Variants in AKAP9 observed in about 807,000 individuals in gnomAD.
AKAP9 encodes A-kinase anchor protein 9.
AKAP9 carries 311 observed loss-of-function variants against 488.5 expected under a neutral mutation model. That is an observed-to-expected ratio of 0.64 (90% CI 0.58 to 0.70). The LOEUF (loss-of-function observed/expected upper bound fraction) is 0.70, where lower values mean the gene tolerates loss of function less well. Among genes scored for constraint, AKAP9 ranks in the 30% least tolerant of loss-of-function variants. The probability of loss-of-function intolerance (pLI) is 0.00; values close to 1 mark genes in which losing one functional copy is unlikely to be tolerated. For missense variants in AKAP9, 4,215 were observed against 4,374.5 expected (o/e 0.96, Z 1.03); for synonymous variants, 1,462 against 1,483.5 (o/e 0.99, Z 0.33).
At position 92,055,526 on chromosome 7, in the gene AKAP9, TATTTG is replaced by T. The variant is rs1808646459; in HGVS notation, c.5601+2573_5601+2577del. ...GAAAGGTAGTTAAATGGTTTGACATTATTTGATTTAAGTAAAGCTATTTTGTTTAG... is the reference window on the plus strand; with the variant it reads ...GAAAGGTAGTTAAATGGTTTGACATTATTTAAGTAAAGCTATTTTGTTTAG... On this transcript the variant is annotated intron_variant, in intron 22 of 49. Transcript: ENST00000356239. Among the ~76,000 whole-genome samples the T allele has an allele frequency of 2.0e-5, 3 of 152,156 alleles. No homozygotes were observed. In the South Asian group the frequency reaches 6.2e-4, roughly 32 times the overall value.
At chr7:92,088,390 C>T (rs1814970165) in intron 37 of AKAP9, among the ~76,000 whole-genome samples, 1 of 152,130 alleles carries the variant, frequency 6.6e-6, no homozygotes, top group Admixed American at 6.6e-5. Flanking sequence ...GAAACTGTCT[C>T]ATAGATTGCT....
Position 92,040,857 on chromosome 7 carries a change from C to T in AKAP9, c.4876C>T (p.Leu1626=), listed in dbSNP as rs1805984054. The T allele has an allele frequency of 6.2e-7, 1 of 1,613,842 alleles. No homozygotes were observed. Among genetic ancestry groups the T allele is most frequent in the African/African-American group, 1.3e-5 (1 of 75,000 alleles). The change falls in exon 18 of 50, where the codon CTA becomes TTA. Residue 1626 remains leucine, a synonymous_variant. Coordinates refer to ENST00000356239, the MANE Select transcript of AKAP9 (RefSeq NM_005751.5). ...MERQREDQEQ[L]QEEIKRLNRQ... ...GAGACAGCGAGAAGACCAGGAACAGCTACAAGAAGAGATTAAGAGACTTAA... is the reference window on the plus strand; with the variant it reads ...GAGACAGCGAGAAGACCAGGAACAGTTACAAGAAGAGATTAAGAGACTTAA...
intron 16 of AKAP9, among the ~76,000 whole-genome samples, chr7:92,032,090 A>G (rs1185198877): frequency 6.6e-6 from 1 of 152,198 alleles, no homozygotes; most frequent in East Asian, 1.9e-4. Flanking sequence ...ATGCTTATCC[A>G]CTGTGTCCAG....
chr7:91,948,283 G>A (rs2130454670), intron 1 of AKAP9, among the ~76,000 whole-genome samples: 1 of 152,156 alleles, frequency 6.6e-6, no homozygotes, highest in Admixed American at 6.5e-5. Flanking sequence ...TTTCTCTTGG[G>A]TATATACCTA....
At chr7:92,004,382 C>T (rs1345800970) in intron 8 of AKAP9, among the ~76,000 whole-genome samples, 1 of 152,146 alleles carries the variant, frequency 6.6e-6, no homozygotes, top group African/African-American at 2.4e-5. Flanking sequence ...ATGGGAATGG[C>T]ATTGAATCTA....
chr7:92,074,542 A>T (rs995296360), intron 28 of AKAP9, among the ~76,000 whole-genome samples: 1 of 152,226 alleles, frequency 6.6e-6, no homozygotes, highest in African/African-American at 2.4e-5. Context: ...AAATCATTCT[A>T]CTATAAAGAT....
intron 49 of AKAP9, 121 bp downstream of exon 49, chr7:92,108,754 A>AC: frequency 8.3e-7 from 1 of 1,201,152 alleles, no homozygotes; most frequent in Non-Finnish European, 1.2e-6. Context: ...GCATGAGCTA[A>AC]TTATTAAGTT....
At chr7:92,027,524 G>A (rs1352097044) in intron 14 of AKAP9, among the ~76,000 whole-genome samples, 3 of 148,530 alleles carry the variant, frequency 2.0e-5, no homozygotes, top group Admixed American at 1.3e-4. Flanking sequence ...CGTCTGGGAG[G>A]TGAGGAACGC....
In AKAP9 at chr7:92,001,475, T is replaced by C; in HGVS notation, c.1558T>C (p.Leu520=). 6.2e-7 allele frequency: 1 copy of C among 1,613,828 alleles called. No individual in the cohort carries two copies. Among genetic ancestry groups the C allele is most frequent in the Non-Finnish European group, 8.5e-7 (1 of 1,179,864 alleles). The stretch of plus-strand genomic sequence containing the variant: ...ACTCAAGGAAGAACTAGGACTAATT[T>C]TAGAAGAAAAGTGTGCTCTACAGAG... ...EKLKEELGLI[L]EEKCALQRQL... Residue 520 remains leucine (L), a synonymous_variant, in exon 8 of 50, where the codon TTA becomes CTA. Coordinates refer to ENST00000356239, the MANE Select transcript of AKAP9 (RefSeq NM_005751.5).
Position 91,971,162 on chromosome 7 carries a change from C to A in AKAP9, c.49-2549C>A, listed in dbSNP as rs73224297. Among the ~76,000 whole-genome samples the A allele has an allele frequency of 9.5e-3, 1,444 of 152,180 alleles. 17 individuals carry two copies. The highest frequency in any genetic ancestry group is 0.027 in the Middle Eastern group (8 of 294). ...TAATTTTCTGTGTCTTCTAGGTGAT[C>A]TTTGTTCCTTTTCATTCTTTCCTTT... On this transcript the variant is annotated intron_variant, in intron 1 of 49. Coordinates refer to ENST00000356239, the MANE Select transcript of AKAP9 (RefSeq NM_005751.5).
intron 22 of AKAP9, among the ~76,000 whole-genome samples, chr7:92,055,281 G>C (rs1808590811): frequency 1.3e-5 from 2 of 151,962 alleles, no homozygotes; most frequent in African/African-American, 4.8e-5. Flanking sequence ...ATTTTGTTTT[G>C]TCATTGTTGT....
intron 9 of AKAP9, among the ~76,000 whole-genome samples, chr7:92,013,212 C>A (rs376448961): frequency 1.3e-5 from 2 of 151,166 alleles, no homozygotes; most frequent in Non-Finnish European, 3.0e-5. Flanking sequence ...GGGATGGTCT[C>A]GATCTCCTGA....
In AKAP9 at chr7:92,034,235, G is replaced by C. The variant is rs558766297; in HGVS notation, c.4338+2631G>C. Among the ~76,000 whole-genome samples the C allele has an allele frequency of 2.0e-5, 3 of 152,178 alleles. No homozygotes were observed. In the East Asian group the frequency reaches 5.8e-4, roughly 29 times the overall value. On this transcript the variant is annotated intron_variant, in intron 16 of 49. Transcript: ENST00000356239. ...ACTCTAACAGGTGTCTTTAAGACAC[G>C]GTCAGGAGACTTGACTAGAGTTTGT...
intron 5 of AKAP9, among the ~76,000 whole-genome samples, chr7:91,993,796 G>A (rs1466397672): frequency 6.6e-6 from 1 of 152,086 alleles, no homozygotes; most frequent in African/African-American, 2.4e-5. Flanking sequence ...GAAAATTATG[G>A]TGCAAACCAC....
chr7:92,083,062 A>G, intron 32 of AKAP9, 108 bp from the exon 33 acceptor site: 1 of 1,336,768 alleles, frequency 7.5e-7, no homozygotes. Context: ...CTCTGAGGAA[A>G]ATGAACGTAT....
intron 42 of AKAP9, 48 bp from the exon 43 acceptor site, chr7:92,098,061 A>G (rs1269933302): frequency 8.0e-7 from 1 of 1,253,594 alleles, no homozygotes; most frequent in Non-Finnish European, 1.2e-6. Context: ...GGTAGTAAAC[A>G]CCCCCAATTG....
intron 14 of AKAP9, among the ~76,000 whole-genome samples, chr7:92,029,608 C>G (rs750235373): frequency 1.3e-5 from 2 of 152,050 alleles, no homozygotes; most frequent in African/African-American, 2.4e-5. Flanking sequence ...GTAGTGAGAC[C>G]CCATCTTTCC....
intron 39 of AKAP9, among the ~76,000 whole-genome samples, chr7:92,093,758 T>A (rs544536297): frequency 5.3e-5 from 8 of 152,310 alleles, no homozygotes; most frequent in African/African-American, 1.9e-4. Flanking sequence ...ATATTGAACA[T>A]TAGCTTCACA....
chr7:92,005,642 G>A (rs1799730958), intron 8 of AKAP9, among the ~76,000 whole-genome samples: 1 of 152,056 alleles, frequency 6.6e-6, no homozygotes, highest in East Asian at 1.9e-4. Flanking sequence ...ATAGAGTCAA[G>A]AAATTCGAAT....
Sources: allele counts gnomAD v4.1 joint callset (sites outside exome capture counted in the v4.1 genomes callset), GRCh38; gene constraint gnomAD v4.1.1; transcripts MANE v1.5; gene names NCBI Gene and HGNC (gene_info 2026-07-23, HGNC 2026-07-21).